Variants in APP observed in about 807,000 individuals in gnomAD.
The protein encoded by APP is amyloid beta precursor protein.
APP carries 31 observed loss-of-function variants against 101.4 expected under a neutral mutation model. The ratio of observed to expected loss-of-function variants is 0.31; its 90% CI spans 0.23 to 0.41. The LOEUF is 0.41. APP is among the 10% of genes least tolerant of loss of function. The pLI, the probability that APP is intolerant of heterozygous loss-of-function variation, is 1.00. For missense variants in APP, 839 were observed against 1,003.7 expected (o/e 0.84, Z 2.22); for synonymous variants, 366 against 364.4 (o/e 1.00, Z -0.05).
chr21:26,020,993 T>A (rs139314055), intron 6 of APP, among the ~76,000 whole-genome samples: 224 of 150,746 alleles, frequency 1.5e-3, no homozygotes, highest in Middle Eastern at 6.8e-3. Context: ...AAACTCAACA[T>A]AAATCACCTC....
Position 25,891,866 on chromosome 21 carries a change from C to T in APP, c.2067G>A (p.Val689=). 2 of 1,613,832 alleles carry T rather than the reference C, an allele frequency of 1.2e-6. No homozygotes were observed. Among genetic ancestry groups the T allele is most frequent in the Non-Finnish European group, 1.7e-6 (2 of 1,179,846 alleles). ...TTGAACCCACATCTTCTGCAAAGAACACCTTGAAAACAAATTAAGAAAAAG... is the reference window on the plus strand; with the variant it reads ...TTGAACCCACATCTTCTGCAAAGAATACCTTGAAAACAAATTAAGAAAAAG... ...SGYEVHHQKL[V]FFAEDVGSNK... Residue 689 remains valine (V), a splice_region_variant and synonymous_variant, in exon 17 of 18, where the codon GTG becomes GTA. Coordinates refer to ENST00000346798, the MANE Select transcript of APP (RefSeq NM_000484.4).
chr21:26,109,418 C>T (rs1170159041), intron 2 of APP, among the ~76,000 whole-genome samples: 1 of 152,216 alleles, frequency 6.6e-6, no homozygotes, highest in East Asian at 1.9e-4. Flanking sequence ...CCTTCACACT[C>T]TTTCTCTTTC....
chr21:25,920,581 G>A (rs1333163752), intron 13 of APP, among the ~76,000 whole-genome samples: 1 of 151,870 alleles, frequency 6.6e-6, no homozygotes, highest in East Asian at 1.9e-4. Context: ...TGCAATCCTA[G>A]TCTCTGATAA....
At chr21:25,995,717 T>C (rs1454318298) in intron 8 of APP, among the ~76,000 whole-genome samples, 1 of 152,236 alleles carries the variant, frequency 6.6e-6, no homozygotes, top group Non-Finnish European at 1.5e-5. Flanking sequence ...ACAGTGTTTT[T>C]AGAGAAAAAT....
chr21:26,169,023 G>A (rs1451410897), intron 1 of APP, among the ~76,000 whole-genome samples: 1 of 152,140 alleles, frequency 6.6e-6, no homozygotes, highest in Non-Finnish European at 1.5e-5. Context: ...GGGAAAAACG[G>A]GTAAGGAAGG....
At chr21:26,147,619 T>C (rs1409028747) in intron 1 of APP, among the ~76,000 whole-genome samples, 1 of 152,192 alleles carries the variant, frequency 6.6e-6, no homozygotes, top group African/African-American at 2.4e-5. Flanking sequence ...AAAAAAAATC[T>C]TTTAAATGGC....
chr21:26,067,528 C>T (rs1211183940), intron 3 of APP, among the ~76,000 whole-genome samples: 1 of 152,200 alleles, frequency 6.6e-6, no homozygotes, highest in African/African-American at 2.4e-5. Context: ...AGCTTGAATA[C>T]ACTGAGACTG....
chr21:26,120,342 A>C (rs920827239), intron 1 of APP, among the ~76,000 whole-genome samples: 1 of 152,188 alleles, frequency 6.6e-6, no homozygotes. Flanking sequence ...TTCTGTAGAG[A>C]CAAGGTCTCA....
At chr21:26,022,134 T>G in intron 5 of APP, 92 bp from the exon 6 acceptor site, 1 of 1,463,284 alleles carries the variant, frequency 6.8e-7, no homozygotes, top group Middle Eastern at 1.8e-4. Flanking sequence ...TTTGGCAATT[T>G]GAGAAGAAAC....
At chr21:25,954,161 G>A (rs1314735843) in intron 13 of APP, among the ~76,000 whole-genome samples, 3 of 152,196 alleles carry the variant, frequency 2.0e-5, no homozygotes, top group Admixed American at 2.0e-4. Flanking sequence ...ACACAGGCCA[G>A]TAAGTTACTC....
chr21:25,932,577 C>G (rs1406924398), intron 13 of APP, among the ~76,000 whole-genome samples: 2 of 152,186 alleles, frequency 1.3e-5, no homozygotes, highest in Non-Finnish European at 2.9e-5. Context: ...AGTCTTGGCA[C>G]AAGACCTCAT....
At position 26,059,331 on chromosome 21, in the gene APP, C is replaced by T. The variant is rs45546637; in HGVS notation, c.356-5983G>A. Among the ~76,000 whole-genome samples, 964 of 152,256 alleles carry T rather than the reference C, an allele frequency of 6.3e-3. 9 individuals carry two copies. The highest frequency in any genetic ancestry group is 0.022 in the African/African-American group (896 of 41,540). Reference sequence around the variant, plus strand: ...TGCCTGAGGTCTTTGGACTTCTGCCCGAGGTGTGCCCTCTCTTCCTCATCT... The same window carrying T: ...TGCCTGAGGTCTTTGGACTTCTGCCTGAGGTGTGCCCTCTCTTCCTCATCT... On this transcript the variant is annotated intron_variant, in intron 3 of 17. Coordinates refer to ENST00000346798, the MANE Select transcript of APP (RefSeq NM_000484.4).
chr21:25,997,165 G>A (rs1396179940), intron 8 of APP, 195 bp downstream of exon 8: 1 of 612,902 alleles, frequency 1.6e-6, no homozygotes, highest in Non-Finnish European at 2.9e-6. Context: ...AGTCAATGAT[G>A]TTCTTAGCCC....
chr21:26,125,652 C>A (rs1327632816), intron 1 of APP, among the ~76,000 whole-genome samples: 1 of 151,400 alleles, frequency 6.6e-6, no homozygotes, highest in African/African-American at 2.4e-5. Context: ...CACCAGGCTA[C>A]AGAATGTGAG....
At chr21:26,056,697 A>G (rs1014740838) in intron 3 of APP, among the ~76,000 whole-genome samples, 8 of 152,318 alleles carry the variant, frequency 5.3e-5, no homozygotes, top group African/African-American at 1.9e-4. Context: ...CTTATATTGC[A>G]CAAAGCTAAG....
chr21:26,036,081 G>A (rs1036425721), intron 5 of APP, among the ~76,000 whole-genome samples: 2 of 151,978 alleles, frequency 1.3e-5, no homozygotes, highest in Non-Finnish European at 2.9e-5. Flanking sequence ...AATAAACCTT[G>A]GCCTAGTCTA....
At chr21:25,968,644 G>A (rs1018336999) in intron 11 of APP, among the ~76,000 whole-genome samples, 6 of 152,066 alleles carry the variant, frequency 3.9e-5, no homozygotes, top group East Asian at 3.9e-4. Context: ...AGTAGAACAA[G>A]GAATTCTAGC....
chr21:26,060,702 G>A (rs565385314), intron 3 of APP, among the ~76,000 whole-genome samples: 1 of 152,320 alleles, frequency 6.6e-6, no homozygotes, highest in South Asian at 2.1e-4. Context: ...TGACATTTCA[G>A]TGAAGACTTG....
At chr21:26,151,364 C>A (rs935635242) in intron 1 of APP, among the ~76,000 whole-genome samples, 3 of 152,138 alleles carry the variant, frequency 2.0e-5, no homozygotes, top group African/African-American at 7.2e-5. Flanking sequence ...CAACAACTTA[C>A]AGTTAAGCTT....
Sources: allele counts gnomAD v4.1 joint callset (sites outside exome capture counted in the v4.1 genomes callset), GRCh38; gene constraint gnomAD v4.1.1; transcripts MANE v1.5; gene names NCBI Gene and HGNC (gene_info 2026-07-23, HGNC 2026-07-21).